Variants in PIP5K1C observed in about 807,000 individuals in gnomAD.
PIP5K1C encodes the protein phosphatidylinositol 4-phosphate 5-kinase type-1 gamma.
Under a neutral mutation model 80.1 loss-of-function variants are expected in PIP5K1C, and 45 were observed. That is an observed-to-expected ratio of 0.56 (90% CI 0.44 to 0.72). The LOEUF is 0.72. Among genes scored for constraint, PIP5K1C ranks in the 30% least tolerant of loss-of-function variants. The probability of loss-of-function intolerance (pLI) is 0.00; values close to 1 mark genes in which losing one functional copy is unlikely to be tolerated. For missense variants in PIP5K1C, 753 were observed against 954.6 expected (o/e 0.79, Z 2.78); for synonymous variants, 498 against 420.1 (o/e 1.19, Z -2.27).
intron 5 of PIP5K1C, among the ~76,000 whole-genome samples, chr19:3,657,364 C>T (rs973167266): frequency 1.3e-5 from 2 of 152,178 alleles, no homozygotes; most frequent in Non-Finnish European, 2.9e-5. Context: ...CCTGCGTCTT[C>T]CGGGTATGGA....
At chr19:3,699,297 C>T (rs892059845) in intron 1 of PIP5K1C, among the ~76,000 whole-genome samples, 1 of 134,894 alleles carries the variant, frequency 7.4e-6, no homozygotes. Context: ...TCCAGATGGC[C>T]GCCGGGAGGG....
At chr19:3,684,930 A>C (rs1448526918) in intron 1 of PIP5K1C, among the ~76,000 whole-genome samples, 3 of 152,226 alleles carry the variant, frequency 2.0e-5, no homozygotes, top group Non-Finnish European at 2.9e-5. Flanking sequence ...AGAAGGTTCC[A>C]AGTTATTTCT....
chr19:3,635,727 C>T (rs2033658014), intron 16 of PIP5K1C, among the ~76,000 whole-genome samples: 1 of 151,892 alleles, frequency 6.6e-6, no homozygotes, highest in African/African-American at 2.4e-5. Flanking sequence ...CGCCTGTAAT[C>T]CCAGCACTTT....
chr19:3,697,866 G>C (rs2036175174), intron 1 of PIP5K1C, among the ~76,000 whole-genome samples: 1 of 152,236 alleles, frequency 6.6e-6, no homozygotes, highest in Non-Finnish European at 1.5e-5. Flanking sequence ...GCCTTCCCGA[G>C]ACCGCCCCCA....
chr19:3,640,893 T>C (rs2033933256), intron 15 of PIP5K1C, among the ~76,000 whole-genome samples: 1 of 151,998 alleles, frequency 6.6e-6, no homozygotes, highest in Non-Finnish European at 1.5e-5. Flanking sequence ...TTCACCATGT[T>C]AGCCAGGATG....
intron 16 of PIP5K1C, among the ~76,000 whole-genome samples, chr19:3,636,128 G>C (rs1005438565): frequency 2.0e-5 from 3 of 152,166 alleles, no homozygotes; most frequent in African/African-American, 7.2e-5. Flanking sequence ...TTGCACTCCA[G>C]CCTGGGCGAC....
chr19:3,682,099 C>A (rs1285453656), intron 1 of PIP5K1C, among the ~76,000 whole-genome samples: 1 of 152,136 alleles, frequency 6.6e-6, no homozygotes, highest in African/African-American at 2.4e-5. Flanking sequence ...GTGGGCCAGG[C>A]ACAGTGGCTC....
rs551996181 is a variant in PIP5K1C at position 3,659,725 on chromosome 19, AG to A, written c.468+1240del. Among the ~76,000 whole-genome samples the A allele has an allele frequency of 5.0e-3, 717 of 143,016 alleles. 6 individuals are homozygous for A. Among genetic ancestry groups the A allele is most frequent in the Middle Eastern group, 0.011 (3 of 284 alleles). 93.8% of individuals were successfully genotyped at this position (143,016 alleles called of 152,430 possible). The stretch of plus-strand genomic sequence containing the variant: ...CAGGCTGGAGTTCTCGGGGCGGGGG[AG>A]GGGGGGGTGTCACACGTACCCCTGG... On this transcript the variant is annotated intron_variant, in intron 5 of 17. Transcript: ENST00000335312.
chr19:3,638,386 TCCCCCGG>T (rs2033796277), intron 16 of PIP5K1C, among the ~76,000 whole-genome samples: 2 of 151,590 alleles, frequency 1.3e-5, no homozygotes, highest in South Asian at 4.2e-4. Flanking sequence ...CACTGCCCGG[TCCCCCGG>T]CCCTCCTCAA....
intron 1 of PIP5K1C, among the ~76,000 whole-genome samples, chr19:3,677,623 CGTGTTAA>C (rs2035401659): frequency 6.6e-6 from 1 of 150,504 alleles, no homozygotes; most frequent in Non-Finnish European, 1.5e-5. Flanking sequence ...GATGCTGAAT[CGTGTTAA>C]GTGTTGACAG....
intron 10 of PIP5K1C, among the ~76,000 whole-genome samples, chr19:3,647,001 G>A (rs2034247869): frequency 7.0e-6 from 1 of 142,208 alleles, no homozygotes; most frequent in African/African-American, 2.6e-5. Flanking sequence ...GATGGGAGGA[G>A]GGTGCAGGCG....
At chr19:3,677,623 C>T (rs1022840297) in intron 1 of PIP5K1C, among the ~76,000 whole-genome samples, 4 of 150,504 alleles carry the variant, frequency 2.7e-5, no homozygotes, top group African/African-American at 4.9e-5. Flanking sequence ...GATGCTGAAT[C>T]GTGTTAAGTG....
chr19:3,636,919 G>A, intron 16 of PIP5K1C: 1 of 1,006,740 alleles, frequency 9.9e-7, no homozygotes, highest in Non-Finnish European at 1.2e-6. Context: ...AGCTACGTGG[G>A]GCCCATGTGG....
At chr19:3,658,471 G>A (rs1234524843) in intron 5 of PIP5K1C, among the ~76,000 whole-genome samples, 2 of 152,236 alleles carry the variant, frequency 1.3e-5, no homozygotes, top group Non-Finnish European at 2.9e-5. Context: ...GAGCCCACGC[G>A]GCTCCTCCGC....
chr19:3,652,054 C>T (rs757820652), intron 7 of PIP5K1C, 23 bp from the exon 8 acceptor site: 20 of 1,610,166 alleles, frequency 1.2e-5, no homozygotes, highest in African/African-American at 2.7e-5. Context: ...GGCAGGAACA[C>T]GCCACGCCGT....
intron 11 of PIP5K1C, among the ~76,000 whole-genome samples, chr19:3,645,010 T>G (rs1233099108): frequency 6.6e-6 from 1 of 152,236 alleles, no homozygotes. Context: ...GGGGACAGGC[T>G]CAACGGCTGG....
chr19:3,679,125 C>A (rs530202934), intron 1 of PIP5K1C, among the ~76,000 whole-genome samples: 1 of 152,142 alleles, frequency 6.6e-6, no homozygotes, highest in African/African-American at 2.4e-5. Flanking sequence ...CTTTAAAAAT[C>A]CCTTTCCCCC....
intron 1 of PIP5K1C, among the ~76,000 whole-genome samples, chr19:3,691,596 C>CCGCCTGGCCCGTCCCTTCCACT (rs2035952982): frequency 6.6e-6 from 1 of 152,196 alleles, no homozygotes. Context: ...GCCCATCTAC[C>CCGCCTGGCCCGTCCCTTCCACT]CCGCCTGGCC....
chr19:3,649,877 C>T (rs1198520616), intron 8 of PIP5K1C: 6 of 280,826 alleles, frequency 2.1e-5, no homozygotes, highest in Non-Finnish European at 3.5e-5. Flanking sequence ...CCACACGTCC[C>T]CTGCCCAGCG....
Sources: allele counts gnomAD v4.1 joint callset (sites outside exome capture counted in the v4.1 genomes callset), GRCh38; gene constraint gnomAD v4.1.1; transcripts MANE v1.5; gene names NCBI Gene and HGNC (gene_info 2026-07-23, HGNC 2026-07-21).